LPIN2: variants seen among roughly 807,000 people sequenced by gnomAD.
LPIN2 encodes the protein lipin 2, also known as phosphatidate phosphatase LPIN2.
In LPIN2, 55 loss-of-function variants were observed where a neutral mutation model predicts 111.4. That is an observed-to-expected ratio of 0.49 (90% CI 0.40 to 0.62). LPIN2 has a LOEUF of 0.62. Ranked by LOEUF, LPIN2 falls within the 20% of genes least tolerant of loss-of-function variation. The probability of loss-of-function intolerance (pLI) is 0.00; values close to 1 mark genes in which losing one functional copy is unlikely to be tolerated. For missense variants in LPIN2, 992 were observed against 1,112.1 expected (o/e 0.89, Z 1.54); for synonymous variants, 425 against 414.0 (o/e 1.03, Z -0.32).
Position 2,935,288 on chromosome 18 carries a change from AAT to A in LPIN2, c.1169-840_1169-839del, listed in dbSNP as rs1420159269. Among the ~76,000 whole-genome samples the A allele has an allele frequency of 1.4e-4, 21 of 152,046 alleles. 1 individual carries two copies. Among genetic ancestry groups the A allele is most frequent in the Non-Finnish European group, 2.9e-5 (2 of 68,036 alleles). On this transcript the variant is annotated intron_variant, in intron 7 of 19. Transcript: ENST00000677752. ...CTTATTTTACTTCCTTAAAAGTGGC[AAT>A]GAGATGATTCAAAATTACACATGTG... is the stretch of plus-strand genomic sequence containing the variant.
At chr18:2,996,467 CTTTTTTTTTTT>C (rs1179106649) in intron 1 of LPIN2, among the ~76,000 whole-genome samples, 6 of 84,988 alleles carry the variant, frequency 7.1e-5, no homozygotes, top group African/African-American at 1.4e-4. Context: ...AGGAAAATAT[CTTTTTTTTTTT>C]TTTTTTTTTT....
At chr18:2,960,952 A>G (rs1223328382) in intron 1 of LPIN2, 103 bp from the exon 2 acceptor site, 2 of 906,770 alleles carry the variant, frequency 2.2e-6, no homozygotes, top group Non-Finnish European at 3.5e-6. Flanking sequence ...CTTGTATGCC[A>G]GATTTCATAT....
intron 2 of LPIN2, among the ~76,000 whole-genome samples, chr18:2,955,388 GGGTGCCACACAAA>G (rs71159025): frequency 0.53 from 79,826 of 150,968 alleles, 22,194 homozygotes; most frequent in Non-Finnish European, 0.62. Context: ...AAGAGACTGG[GGGTGCCACACAAA>G]GGTGCCACAC....
intron 1 of LPIN2, chr18:2,985,458 A>G (rs1438680396): frequency 6.6e-6 from 1 of 151,960 alleles, no homozygotes; most frequent in African/African-American, 2.4e-5. Context: ...TTTTTTTAAA[A>G]AGTGCATAGA....
chr18:2,991,766 C>T (rs1320583393), intron 1 of LPIN2, among the ~76,000 whole-genome samples: 2 of 152,060 alleles, frequency 1.3e-5, no homozygotes, highest in East Asian at 1.9e-4. Flanking sequence ...AATCTCAGCA[C>T]TTTGGGAGGG....
At chr18:2,998,966 A>G (rs779422008) in intron 1 of LPIN2, among the ~76,000 whole-genome samples, 2 of 152,252 alleles carry the variant, frequency 1.3e-5, no homozygotes, top group Non-Finnish European at 2.9e-5. Context: ...GGCAGTCACA[A>G]GTCTGAACAA....
chr18:2,958,666 A>C (rs1317002701), intron 2 of LPIN2, among the ~76,000 whole-genome samples: 1 of 152,182 alleles, frequency 6.6e-6, no homozygotes, highest in East Asian at 1.9e-4. Flanking sequence ...AGTAGGAGGA[A>C]AAAAATTCTC....
chr18:2,940,839 A>G, intron 4 of LPIN2, 127 bp from the exon 5 acceptor site: 1 of 688,052 alleles, frequency 1.5e-6, no homozygotes, highest in Non-Finnish European at 2.6e-6. Context: ...AACTCTCTCT[A>G]AAATATATGA....
chr18:2,956,540 C>A (rs1413092380), intron 2 of LPIN2, among the ~76,000 whole-genome samples: 3 of 152,202 alleles, frequency 2.0e-5, no homozygotes, highest in Admixed American at 6.5e-5. Flanking sequence ...GGAACACCTT[C>A]TGGTACCAGG....
At chr18:2,993,190 G>A (rs2078292620) in intron 1 of LPIN2, among the ~76,000 whole-genome samples, 1 of 149,938 alleles carries the variant, frequency 6.7e-6, no homozygotes, top group South Asian at 2.1e-4. Context: ...AAAGAAGAAA[G>A]GAGAAAGGAA....
Position 2,920,118 on chromosome 18 carries a change from G to A in LPIN2, c.*175C>T. 1.3e-6 allele frequency: 1 copy of A among 789,264 alleles called. No homozygotes were observed. Among genetic ancestry groups the A allele is most frequent in the Non-Finnish European group, 2.1e-6 (1 of 484,284 alleles). 48.9% of individuals were successfully genotyped at this position (789,264 alleles called of 1,614,324 possible). On this transcript the variant is annotated 3_prime_UTR_variant, in exon 20 of 20. Transcript: ENST00000677752. ...TTCTCCTTCCAGGAGCTGAGCTGCA[G>A]ACCTGCCGAGCCTGAGCAGCTGGCC...
At chr18:2,996,756 C>T (rs991859596) in intron 1 of LPIN2, among the ~76,000 whole-genome samples, 27 of 152,164 alleles carry the variant, frequency 1.8e-4, no homozygotes, top group Non-Finnish European at 3.2e-4. Context: ...GGATTACAGG[C>T]GTGAGCCACC....
chr18:3,012,896 G>T (rs1173751803), intron 1 of LPIN2, among the ~76,000 whole-genome samples, 191 bp downstream of exon 1: 1 of 151,556 alleles, frequency 6.6e-6, no homozygotes, highest in Non-Finnish European at 1.5e-5. Context: ...GGCGAGGCGG[G>T]GACTGGGACG....
At chr18:2,998,546 A>G (rs1167418603) in intron 1 of LPIN2, among the ~76,000 whole-genome samples, 2 of 152,148 alleles carry the variant, frequency 1.3e-5, no homozygotes, top group African/African-American at 4.8e-5. Flanking sequence ...CAACAACAAC[A>G]TATGTTAGGC....
intron 3 of LPIN2, among the ~76,000 whole-genome samples, chr18:2,952,970 C>T (rs2077559682): frequency 6.6e-6 from 1 of 152,126 alleles, no homozygotes; most frequent in African/African-American, 2.4e-5. Flanking sequence ...TAAATGGCAA[C>T]AAACTGGGTT....
At chr18:2,966,093 G>A (rs924446629) in intron 1 of LPIN2, among the ~76,000 whole-genome samples, 3 of 151,980 alleles carry the variant, frequency 2.0e-5, no homozygotes, top group African/African-American at 7.3e-5. Flanking sequence ...GTGCTACCAT[G>A]CCCAGCTAAT....
At chr18:2,962,540 T>C (rs1242447820) in intron 1 of LPIN2, among the ~76,000 whole-genome samples, 3 of 151,728 alleles carry the variant, frequency 2.0e-5, no homozygotes, top group African/African-American at 7.3e-5. Flanking sequence ...AAAAAAAAAG[T>C]GTGGGGAGGA....
intron 1 of LPIN2, among the ~76,000 whole-genome samples, chr18:2,961,145 TC>T (rs950548839): frequency 3.9e-5 from 6 of 152,072 alleles, no homozygotes; most frequent in African/African-American, 1.2e-4. Context: ...AGGGACTTTT[TC>T]CCCAAAGTTC....
intron 1 of LPIN2, among the ~76,000 whole-genome samples, chr18:2,983,403 G>A (rs1047827771): frequency 2.0e-5 from 3 of 152,174 alleles, no homozygotes; most frequent in African/African-American, 7.2e-5. Context: ...ATGCAACACT[G>A]TAAAATTAAA....
Sources: allele counts gnomAD v4.1 joint callset (sites outside exome capture counted in the v4.1 genomes callset), GRCh38; gene constraint gnomAD v4.1.1; transcripts MANE v1.5; gene names NCBI Gene and HGNC (gene_info 2026-07-23, HGNC 2026-07-21).